Variants in PPP4R2 observed in about 807,000 individuals in gnomAD.
PPP4R2 encodes protein phosphatase 4 regulatory subunit 2.
In PPP4R2, 13 loss-of-function variants were observed where a neutral mutation model predicts 47.2. The ratio of observed to expected loss-of-function variants is 0.28; its 90% CI spans 0.18 to 0.44. The LOEUF (loss-of-function observed/expected upper bound fraction) is 0.44, where lower values mean the gene tolerates loss of function less well. Ranked by LOEUF, PPP4R2 falls within the 20% of genes least tolerant of loss-of-function variation. The pLI is 1.00. For missense variants in PPP4R2, 421 were observed against 491.2 expected, an observed-to-expected ratio of 0.86 and a Z score of 1.35; for synonymous variants, 151 against 163.3, an observed-to-expected ratio of 0.92 and a Z score of 0.57.
intron 2 of PPP4R2, among the ~76,000 whole-genome samples, chr3:73,008,887 C>G (rs961950737): frequency 6.6e-6 from 1 of 152,170 alleles, no homozygotes; most frequent in African/African-American, 2.4e-5. Context: ...TGAATTTCAT[C>G]ACGTAGTTAC....
chr3:73,044,711 T>G (rs1385691761), intron 2 of PPP4R2, among the ~76,000 whole-genome samples: 1 of 152,210 alleles, frequency 6.6e-6, no homozygotes, highest in African/African-American at 2.4e-5. Context: ...TCCCCAAGAT[T>G]AATGGTGTTA....
intron 2 of PPP4R2, among the ~76,000 whole-genome samples, chr3:73,003,889 G>A (rs1254160152): frequency 6.6e-6 from 1 of 152,198 alleles, no homozygotes; most frequent in Admixed American, 6.5e-5. Context: ...CAGTTGAGAC[G>A]GGGTTTCTCT....
At chr3:73,011,940 T>A (rs539968578) in intron 2 of PPP4R2, among the ~76,000 whole-genome samples, 2 of 152,278 alleles carry the variant, frequency 1.3e-5, no homozygotes, top group South Asian at 4.1e-4. Context: ...GAATTTGAAA[T>A]TTAAGGAAAG....
rs926895033 is a variant in PPP4R2, at chr3:73,068,739, A to C, written c.*3017A>C. On this transcript the variant is annotated 3_prime_UTR_variant, in exon 9 of 9. Transcript: ENST00000356692. ...TTGCATTTGTAAAATCAACTTTTCA[A>C]ATAATGTAAATGTAATATACTAGTT... 6.6e-6 allele frequency: 1 copy of C among 152,262 alleles called. No homozygotes were observed. The highest frequency in any genetic ancestry group is 1.9e-4 in the East Asian group (1 of 5,204). The allele number at this position is 152,262 out of a possible 1,614,324, so 9.4% of individuals were successfully genotyped here. A position where few individuals can be genotyped will look rare whatever the true frequency, so the allele number is the denominator to read the frequency against.
At chr3:73,004,422 T>G (rs532545640) in intron 2 of PPP4R2, among the ~76,000 whole-genome samples, 1 of 152,306 alleles carries the variant, frequency 6.6e-6, no homozygotes, top group African/African-American at 2.4e-5. Flanking sequence ...GTCTTAAGTT[T>G]GTTAATTCTA....
intron 2 of PPP4R2, among the ~76,000 whole-genome samples, chr3:73,007,804 A>G (rs1701643623): frequency 6.6e-6 from 1 of 152,106 alleles, no homozygotes; most frequent in Non-Finnish European, 1.5e-5. Context: ...GGGGTTTCTT[A>G]AGAGGGAATT....
intron 2 of PPP4R2, among the ~76,000 whole-genome samples, chr3:72,998,561 T>A (rs1701397831): frequency 2.6e-5 from 4 of 152,198 alleles, no homozygotes; most frequent in Non-Finnish European, 5.9e-5. Flanking sequence ...TTGTCGTGTG[T>A]CCAGCCTTTT....
intron 3 of PPP4R2, among the ~76,000 whole-genome samples, chr3:73,052,058 A>G (rs569668791): frequency 1.2e-4 from 18 of 152,318 alleles, no homozygotes; most frequent in South Asian, 2.1e-4. Flanking sequence ...GAGTGCCTGA[A>G]TATAGTAGGT....
At chr3:73,024,046 T>C (rs912203299) in intron 2 of PPP4R2, among the ~76,000 whole-genome samples, 2 of 152,100 alleles carry the variant, frequency 1.3e-5, no homozygotes, top group African/African-American at 4.8e-5. Flanking sequence ...GTAAAAAGCT[T>C]ATATTAAAAA....
At chr3:73,061,087 A>G (rs1702848137) in intron 5 of PPP4R2, 27 bp downstream of exon 5, 2 of 1,157,886 alleles carry the variant, frequency 1.7e-6, no homozygotes, top group Non-Finnish European at 1.2e-6. Context: ...TATTTCTAGT[A>G]TATTATTTAC....
At chr3:73,045,457 CAGTT>C (rs1455720537) in intron 2 of PPP4R2, among the ~76,000 whole-genome samples, 1 of 151,080 alleles carries the variant, frequency 6.6e-6, no homozygotes, top group Admixed American at 6.6e-5. Flanking sequence ...CAAATACTGT[CAGTT>C]ATTTATCTTG....
At chr3:73,063,974 G>A (rs769637517) in intron 6 of PPP4R2, 29 bp from the exon 7 acceptor site, 1 of 1,553,838 alleles carries the variant, frequency 6.4e-7, no homozygotes, top group African/African-American at 1.4e-5. Flanking sequence ...TATAAAAATA[G>A]GAAATGATGT....
At chr3:73,010,147 A>AT (rs1701692981) in intron 2 of PPP4R2, among the ~76,000 whole-genome samples, 1 of 152,224 alleles carries the variant, frequency 6.6e-6, no homozygotes, top group Non-Finnish European at 1.5e-5. Context: ...CCTTAGTGGT[A>AT]TTTTTTAAAA....
At chr3:73,061,141 TA>T in intron 5 of PPP4R2, 81 bp downstream of exon 5, 1 of 611,416 alleles carries the variant, frequency 1.6e-6, no homozygotes, top group Non-Finnish European at 2.6e-6. Flanking sequence ...ATTCTTAAAA[TA>T]GACTGAATTT....
chr3:73,025,454 TATC>T (rs1442085254), intron 2 of PPP4R2, among the ~76,000 whole-genome samples: 6 of 152,208 alleles, frequency 3.9e-5, no homozygotes, highest in Non-Finnish European at 5.9e-5. Flanking sequence ...GTTAGCCTAG[TATC>T]ATGGAACCTC....
intron 3 of PPP4R2, among the ~76,000 whole-genome samples, chr3:73,058,703 T>A (rs1702778919): frequency 6.6e-6 from 1 of 152,122 alleles, no homozygotes; most frequent in Non-Finnish European, 1.5e-5. Flanking sequence ...AAATGTACGA[T>A]AAATTATTGT....
intron 2 of PPP4R2, among the ~76,000 whole-genome samples, chr3:73,034,536 A>G (rs1049515423): frequency 6.6e-6 from 1 of 152,070 alleles, no homozygotes; most frequent in Non-Finnish European, 1.5e-5. Flanking sequence ...AGCAAGCTAT[A>G]GTTTTGTTTT....
chr3:73,052,765 C>A (rs892500922), intron 3 of PPP4R2, among the ~76,000 whole-genome samples: 5 of 152,310 alleles, frequency 3.3e-5, no homozygotes, highest in African/African-American at 1.2e-4. Flanking sequence ...AGGCAGTCGG[C>A]CTCCTCACTC....
intron 8 of PPP4R2, 124 bp downstream of exon 8, chr3:73,065,265 C>A: frequency 7.7e-7 from 1 of 1,296,646 alleles, no homozygotes. Flanking sequence ...GGCTTTTCTC[C>A]CACCTGTATG....
Sources: gnomAD v4.1 joint callset for allele counts (sites outside exome capture counted in the v4.1 genomes callset) on GRCh38, gnomAD v4.1.1 for gene constraint, MANE v1.5 for transcripts, NCBI Gene and HGNC (gene_info 2026-07-23, HGNC 2026-07-21) for gene names.